SLC8A1: variants seen among roughly 807,000 people sequenced by gnomAD.
SLC8A1 encodes solute carrier family 8 member A1, also known as sodium/calcium exchanger 1.
SLC8A1 carries 18 observed loss-of-function variants against 68.3 expected under a neutral mutation model. That is an observed-to-expected ratio of 0.26 (90% CI 0.18 to 0.39). SLC8A1 has a LOEUF of 0.39. Among genes scored for constraint, SLC8A1 ranks in the 10% least tolerant of loss-of-function variants. SLC8A1 has a pLI of 1.00. For synonymous variants in SLC8A1, 475 were observed against 415.5 expected, an observed-to-expected ratio of 1.14 and a Z score of -1.74; for missense variants, 985 against 1,156.7, an observed-to-expected ratio of 0.85 and a Z score of 2.15.
intron 1 of SLC8A1, among the ~76,000 whole-genome samples, chr2:40,443,211 T>C (rs1399798762): frequency 2.6e-5 from 4 of 152,084 alleles, no homozygotes; most frequent in Admixed American, 2.6e-4. Context: ...CCATGGCACA[T>C]CTATACCTAT....
At chr2:40,197,049 G>T (rs532902572) in intron 2 of SLC8A1, among the ~76,000 whole-genome samples, 36 of 152,038 alleles carry the variant, frequency 2.4e-4, no homozygotes, top group South Asian at 2.1e-4. Context: ...TGTCATGGAA[G>T]TGCTCCTGTT....
At chr2:40,146,652 G>A (rs1013756249) in intron 6 of SLC8A1, among the ~76,000 whole-genome samples, 7 of 141,130 alleles carry the variant, frequency 5.0e-5, no homozygotes, top group South Asian at 4.4e-4. Flanking sequence ...GTGAAAGATC[G>A]TCAGGCATTA....
At chr2:40,510,184 T>G (rs1706629169) in intron 1 of SLC8A1, among the ~76,000 whole-genome samples, 2 of 152,142 alleles carry the variant, frequency 1.3e-5, no homozygotes, top group Admixed American at 6.6e-5. Context: ...CCTTCAATTT[T>G]CCTCTCAAAA....
chr2:40,450,293 C>T (rs1162460663), intron 1 of SLC8A1, among the ~76,000 whole-genome samples: 3 of 152,002 alleles, frequency 2.0e-5, no homozygotes, highest in Admixed American at 2.0e-4. Context: ...GATTCATTTT[C>T]CTTTTTTTTT....
At chr2:40,272,190 A>G (rs879266038) in intron 2 of SLC8A1, among the ~76,000 whole-genome samples, 11 of 152,142 alleles carry the variant, frequency 7.2e-5, no homozygotes, top group African/African-American at 1.7e-4. Flanking sequence ...TTAATTCCCA[A>G]TTCCATCTCA....
exon 2 of SLC8A1, chr2:40,428,754 T>A (rs772599914): frequency 1.2e-6 from 2 of 1,613,814 alleles, no homozygotes. Flanking sequence ...TGGCTTCCAG[T>A]ATGCCATCTT....
At chr2:40,168,063 T>A (rs2046844727) in intron 4 of SLC8A1, among the ~76,000 whole-genome samples, 1 of 152,122 alleles carries the variant, frequency 6.6e-6, no homozygotes, top group Admixed American at 6.6e-5. Flanking sequence ...ACGGATCATT[T>A]TTTCATTGAG....
At chr2:40,423,372 C>T (rs1040318771) in intron 2 of SLC8A1, among the ~76,000 whole-genome samples, 1 of 151,934 alleles carries the variant, frequency 6.6e-6, no homozygotes, top group Non-Finnish European at 1.5e-5. Flanking sequence ...GAATATACAC[C>T]ATCTCATTAT....
chr2:40,502,578 T>A (rs967193432), intron 1 of SLC8A1, among the ~76,000 whole-genome samples: 1 of 152,074 alleles, frequency 6.6e-6, no homozygotes, highest in Non-Finnish European at 1.5e-5. Context: ...AAGAATATAA[T>A]TGCATTTTAA....
At chr2:40,380,219 C>T (rs1173682637) in intron 2 of SLC8A1, among the ~76,000 whole-genome samples, 1 of 152,124 alleles carries the variant, frequency 6.6e-6, no homozygotes, top group African/African-American at 2.4e-5. Context: ...TTGAAGAGGT[C>T]AAGGGCTTGA....
At chr2:40,255,050 T>C (rs1490278896) in intron 2 of SLC8A1, 2 of 131,190 alleles carry the variant, frequency 1.5e-5, no homozygotes, top group African/African-American at 6.2e-5. Context: ...TTTTTATTTC[T>C]TTCTCCTTAA....
chr2:40,142,736 G>C (rs188075058), intron 6 of SLC8A1, among the ~76,000 whole-genome samples: 69 of 152,298 alleles, frequency 4.5e-4, no homozygotes, highest in Middle Eastern at 3.4e-3. Flanking sequence ...GATCATGTTT[G>C]TAAAGTGTCT....
At chr2:40,160,429 T>G (rs569194077) in intron 6 of SLC8A1, among the ~76,000 whole-genome samples, 2 of 152,168 alleles carry the variant, frequency 1.3e-5, no homozygotes, top group Non-Finnish European at 2.9e-5. Flanking sequence ...GACCTTGACT[T>G]GGCCACCTTT....
intron 2 of SLC8A1, among the ~76,000 whole-genome samples, chr2:40,320,798 C>G (rs905200169): frequency 6.6e-6 from 1 of 152,134 alleles, no homozygotes; most frequent in Non-Finnish European, 1.5e-5. Flanking sequence ...TTTATGAACT[C>G]TTTAATGGAA....
chr2:40,475,379 C>T (rs1439090973), intron 1 of SLC8A1, among the ~76,000 whole-genome samples: 2 of 151,998 alleles, frequency 1.3e-5, no homozygotes, highest in African/African-American at 4.8e-5. Flanking sequence ...GTGATCCACC[C>T]GCCTCTGCCT....
chr2:40,280,865 G>A (rs533417322), intron 2 of SLC8A1, among the ~76,000 whole-genome samples: 20 of 152,262 alleles, frequency 1.3e-4, no homozygotes, highest in African/African-American at 4.6e-4. Flanking sequence ...AAGCAGAGGT[G>A]GGTAAAACAT....
intron 1 of SLC8A1, among the ~76,000 whole-genome samples, chr2:40,482,656 T>G (rs916734860): frequency 2.0e-5 from 3 of 152,138 alleles, no homozygotes; most frequent in Non-Finnish European, 2.9e-5. Flanking sequence ...GGGATTTGAA[T>G]CCAGACAGCC....
At chr2:40,493,089 C>G (rs1291322090) in intron 1 of SLC8A1, among the ~76,000 whole-genome samples, 1 of 152,026 alleles carries the variant, frequency 6.6e-6, no homozygotes, top group Non-Finnish European at 1.5e-5. Context: ...AGACTTGGAA[C>G]CAATCCAAAT....
intron 2 of SLC8A1, among the ~76,000 whole-genome samples, chr2:40,211,818 A>G (rs1301683960): frequency 1.3e-5 from 2 of 152,206 alleles, no homozygotes; most frequent in African/African-American, 4.8e-5. Flanking sequence ...AGTGATACAG[A>G]ATCCGGATCA....
Sources: allele counts gnomAD v4.1 joint callset (sites outside exome capture counted in the v4.1 genomes callset), GRCh38; gene constraint gnomAD v4.1.1; transcripts MANE v1.5; gene names NCBI Gene and HGNC (gene_info 2026-07-23, HGNC 2026-07-21).